The following CDH13 variants were observed in gnomAD, a reference collection of about 807,000 sequenced individuals.
CDH13 encodes cadherin 13, also known as cadherin-13.
CDH13 carries 24 observed loss-of-function variants against 63.8 expected under a neutral mutation model. The observed-to-expected ratio is 0.38, with a 90% CI of 0.27 to 0.53. The LOEUF (loss-of-function observed/expected upper bound fraction) is 0.53, where lower values mean the gene tolerates loss of function less well. CDH13 is among the 20% of genes least tolerant of loss of function. The probability of loss-of-function intolerance (pLI) is 0.85; values close to 1 mark genes in which losing one functional copy is unlikely to be tolerated. For missense variants in CDH13, 1,049 were observed against 903.1 expected, an observed-to-expected ratio of 1.16 and a Z score of -2.07; for synonymous variants, 503 against 355.3, an observed-to-expected ratio of 1.42 and a Z score of -4.67.
intron 3 of CDH13, among the ~76,000 whole-genome samples, chr16:83,037,109 G>T (rs1480719887): frequency 6.6e-6 from 1 of 152,192 alleles, no homozygotes; most frequent in Non-Finnish European, 1.5e-5. Context: ...GCCTTGACTG[G>T]AGTAGGGAGA....
At chr16:83,053,534 CA>C (rs2030608124) in intron 3 of CDH13, among the ~76,000 whole-genome samples, 1 of 152,052 alleles carries the variant, frequency 6.6e-6, no homozygotes, top group Admixed American at 6.6e-5. Context: ...CAATTGAAAA[CA>C]GATTGGCTGA....
At chr16:83,760,524 A>G (rs954181239) in intron 11 of CDH13, among the ~76,000 whole-genome samples, 12 of 152,246 alleles carry the variant, frequency 7.9e-5, no homozygotes. Context: ...ATGAACTGCA[A>G]CTATTCACAA....
At chr16:82,975,278 G>T (rs1027476066) in intron 2 of CDH13, among the ~76,000 whole-genome samples, 1 of 152,192 alleles carries the variant, frequency 6.6e-6, no homozygotes, top group South Asian at 2.1e-4. Flanking sequence ...GGGGCTACAT[G>T]GAGAGTAAGT....
chr16:82,662,043 A>AT (rs1912010404), intron 1 of CDH13, among the ~76,000 whole-genome samples: 1 of 152,246 alleles, frequency 6.6e-6, no homozygotes, highest in African/African-American at 2.4e-5. Context: ...GATGTAGGAC[A>AT]TCCCCGCCAT....
intron 7 of CDH13, among the ~76,000 whole-genome samples, chr16:83,491,957 A>G (rs1394613142): frequency 6.6e-6 from 1 of 152,118 alleles, no homozygotes; most frequent in Non-Finnish European, 1.5e-5. Context: ...ATTTATGTGC[A>G]TTTACTTGCT....
intron 2 of CDH13, among the ~76,000 whole-genome samples, chr16:82,899,250 A>G (rs553123041): frequency 6.6e-6 from 1 of 152,336 alleles, no homozygotes; most frequent in Admixed American, 6.5e-5. Flanking sequence ...CAGTAAGGGC[A>G]GTGTCAAATG....
chr16:83,321,114 G>A (rs908294626), intron 5 of CDH13, among the ~76,000 whole-genome samples: 2 of 152,172 alleles, frequency 1.3e-5, no homozygotes, highest in Non-Finnish European at 2.9e-5. Context: ...GAAATTAAGG[G>A]GGCCTTCCTG....
rs573101602 is a variant in CDH13, at chr16:82,635,687, G to A, written c.45+8550G>A. 2.2e-4 allele frequency among the ~76,000 whole-genome samples: 34 copies of A among 152,314 alleles called. No individual in the cohort carries two copies. In the South Asian group the frequency reaches 6.8e-3, roughly 31 times the overall value. ...GGAAGCTGGATTCAGGAACGACGGT[G>A]CAGAGATGGGGCAGGTGATTGAAGT... On this transcript the variant is annotated intron_variant, in intron 1 of 13. Transcript: ENST00000567109.
At chr16:83,443,708 A>G (rs2072554606) in intron 6 of CDH13, among the ~76,000 whole-genome samples, 1 of 92,190 alleles carries the variant, frequency 1.1e-5, no homozygotes, top group Non-Finnish European at 1.9e-5. Context: ...TCCCTACGAA[A>G]AAAAAAAAAA....
In CDH13 at chr16:82,862,458, C is replaced by A. The variant is rs113143080; in HGVS notation, c.157+3985C>A. ...GGTCATTGAGCTCATTAGGAGAAAC[C>A]ATACCCTTGACCTCCAGCCTCTATT... On this transcript the variant is annotated intron_variant, in intron 2 of 13. Transcript: ENST00000567109. Among the ~76,000 whole-genome samples the A allele has an allele frequency of 4.5e-3, 678 of 152,312 alleles. 4 individuals are homozygous for A. Among genetic ancestry groups the A allele is most frequent in the African/African-American group, 0.014 (581 of 41,572 alleles).
At chr16:83,244,767 A>G (rs1050338986) in intron 5 of CDH13, among the ~76,000 whole-genome samples, 1 of 152,178 alleles carries the variant, frequency 6.6e-6, no homozygotes, top group Non-Finnish European at 1.5e-5. Flanking sequence ...GTCACACGGG[A>G]CACACTTAAT....
intron 4 of CDH13, among the ~76,000 whole-genome samples, chr16:83,207,944 C>T (rs2039230911): frequency 6.6e-6 from 1 of 152,068 alleles, no homozygotes; most frequent in African/African-American, 2.4e-5. Context: ...GCAAAATGAC[C>T]ACTAAAAGAT....
At chr16:83,597,861 C>T (rs1374078701) in intron 7 of CDH13, among the ~76,000 whole-genome samples, 2 of 152,058 alleles carry the variant, frequency 1.3e-5, no homozygotes, top group African/African-American at 4.8e-5. Flanking sequence ...TGTATCCTTC[C>T]CTTGTGCTAC....
chr16:83,656,949 G>T (rs192956256), intron 8 of CDH13, among the ~76,000 whole-genome samples: 10 of 152,252 alleles, frequency 6.6e-5, no homozygotes, highest in African/African-American at 2.4e-4. Flanking sequence ...CCAGCTCTTG[G>T]GCTCCAGGAA....
At chr16:83,017,263 T>A (rs1044373670) in intron 2 of CDH13, among the ~76,000 whole-genome samples, 2 of 152,196 alleles carry the variant, frequency 1.3e-5, no homozygotes, top group Non-Finnish European at 1.5e-5. Context: ...ATCTGCTGTC[T>A]GGATTTTTGC....
chr16:83,373,607 G>A (rs2091411128), intron 6 of CDH13, among the ~76,000 whole-genome samples: 1 of 152,190 alleles, frequency 6.6e-6, no homozygotes, highest in Non-Finnish European at 1.5e-5. Flanking sequence ...GAGAGAGGCA[G>A]GCATCATGCA....
rs138036343 is a variant in CDH13, at chr16:83,338,133, A to C, written c.637-6729A>C. Among the ~76,000 whole-genome samples the C allele has an allele frequency of 3.1e-3, 470 of 151,932 alleles. 1 individual carries two copies. Among genetic ancestry groups the C allele is most frequent in the African/African-American group, 0.01 (416 of 41,452 alleles). On this transcript the variant is annotated intron_variant, in intron 5 of 13. Coordinates refer to ENST00000567109, the MANE Select transcript of CDH13 (RefSeq NM_001257.5). ...TTTAAGCCAAATGAGACAGTGCAAA[A>C]AAAGGCCAGACCTGTATGGGACACC...
At chr16:83,146,097 G>A (rs2036734970) in intron 4 of CDH13, among the ~76,000 whole-genome samples, 1 of 151,560 alleles carries the variant, frequency 6.6e-6, no homozygotes. Context: ...AGAAGGCTGG[G>A]GCAGGAGAAT....
intron 1 of CDH13, among the ~76,000 whole-genome samples, chr16:82,722,389 G>A (rs573497859): frequency 6.6e-6 from 1 of 152,248 alleles, no homozygotes; most frequent in South Asian, 2.1e-4. Flanking sequence ...CAGATCTGTA[G>A]CCTTATAATT....
Sources: gnomAD v4.1 joint callset for allele counts (sites outside exome capture counted in the v4.1 genomes callset) on GRCh38, gnomAD v4.1.1 for gene constraint, MANE v1.5 for transcripts, NCBI Gene and HGNC (gene_info 2026-07-23, HGNC 2026-07-21) for gene names.